The following CPQ variants were observed in gnomAD, a reference collection of about 807,000 sequenced individuals.
The protein encoded by CPQ is carboxypeptidase Q.
Under a neutral mutation model 45.7 loss-of-function variants are expected in CPQ, and 37 were observed. That is an observed-to-expected ratio of 0.81 (90% CI 0.62 to 1.07). The LOEUF (loss-of-function observed/expected upper bound fraction) is 1.07, where lower values mean the gene tolerates loss of function less well. Among genes scored for constraint, CPQ ranks in the 50% least tolerant of loss-of-function variants. The probability of loss-of-function intolerance (pLI) is 0.00; values close to 1 mark genes in which losing one functional copy is unlikely to be tolerated. For missense variants in CPQ, 537 were observed against 572.9 expected (o/e 0.94, Z 0.64); for synonymous variants, 186 against 205.8 (o/e 0.90, Z 0.82).
At chr8:97,122,999 A>AAT (rs1563587000) in intron 7 of CPQ, among the ~76,000 whole-genome samples, 1 of 53,394 alleles carries the variant, frequency 1.9e-5, no homozygotes, top group African/African-American at 1.0e-4. Context: ...AAATAAAATA[A>AAT]AATATAAAAT....
chr8:97,088,062 T>A (rs746593539), intron 7 of CPQ, among the ~76,000 whole-genome samples: 4 of 152,190 alleles, frequency 2.6e-5, no homozygotes, highest in Non-Finnish European at 5.9e-5. Flanking sequence ...GAGAATGGGC[T>A]TTTTCACCCT....
intron 5 of CPQ, among the ~76,000 whole-genome samples, chr8:97,017,662 A>G (rs1033823150): frequency 1.3e-5 from 2 of 152,106 alleles, no homozygotes; most frequent in Non-Finnish European, 2.9e-5. Context: ...GACAACCTGC[A>G]TTACACAGCA....
At chr8:97,019,979 C>CA (rs1224263948) in intron 5 of CPQ, among the ~76,000 whole-genome samples, 1 of 152,088 alleles carries the variant, frequency 6.6e-6, no homozygotes, top group Admixed American at 6.5e-5. Flanking sequence ...TGATAGGCCA[C>CA]AAAACGAGTC....
At chr8:96,727,795 G>T (rs1809863360) in intron 1 of CPQ, among the ~76,000 whole-genome samples, 1 of 152,182 alleles carries the variant, frequency 6.6e-6, no homozygotes, top group South Asian at 2.1e-4. Context: ...GTGGCCTGAT[G>T]ATGGGGGTAG....
At chr8:97,061,371 T>C (rs561493072) in intron 6 of CPQ, among the ~76,000 whole-genome samples, 1 of 150,062 alleles carries the variant, frequency 6.7e-6, no homozygotes, top group East Asian at 1.9e-4. Flanking sequence ...AAGTTTTTAA[T>C]GTATACATTT....
intron 2 of CPQ, among the ~76,000 whole-genome samples, chr8:96,792,231 A>G (rs1461941577): frequency 1.3e-4 from 20 of 152,192 alleles, no homozygotes; most frequent in Admixed American, 1.2e-3. Flanking sequence ...AAGACAGGAG[A>G]AAGCACAATC....
Position 96,789,120 on chromosome 8 carries a change from T to A in CPQ, c.433+3790T>A, listed in dbSNP as rs183859526. On this transcript the variant is annotated intron_variant, in intron 2 of 7. Coordinates refer to ENST00000220763, the MANE Select transcript of CPQ (RefSeq NM_016134.4). The stretch of plus-strand genomic sequence containing the variant: ...ATAATAGCTTCTTTGAAGTGTTTGC[T>A]ATATCCTACATCTGGGCCCCCTAAA... 2.8e-3 allele frequency among the ~76,000 whole-genome samples: 432 copies of A among 152,248 alleles called. 1 individual carries two copies. The highest frequency in any genetic ancestry group is 0.01 in the African/African-American group (420 of 41,570).
At chr8:97,121,890 A>ATT (rs1811708419) in intron 7 of CPQ, among the ~76,000 whole-genome samples, 1 of 152,176 alleles carries the variant, frequency 6.6e-6, no homozygotes, top group African/African-American at 2.4e-5. Flanking sequence ...GCTCAACAGT[A>ATT]GATTAGATAC....
At chr8:96,831,594 A>G (rs1233190679) in intron 2 of CPQ, among the ~76,000 whole-genome samples, 1 of 152,058 alleles carries the variant, frequency 6.6e-6, no homozygotes, top group African/African-American at 2.4e-5. Flanking sequence ...GGAAGGGTAA[A>G]ATTTTCTAGG....
In CPQ at chr8:97,028,828, C is replaced by T. The variant is rs547131843; in HGVS notation, c.962-575C>T. 1.1e-4 allele frequency among the ~76,000 whole-genome samples: 17 copies of T among 152,204 alleles called. No homozygotes were observed. In the East Asian group the frequency reaches 1.7e-3, roughly 16 times the overall value. ...CCTCATTCAATTAATTTTCATTGACCTTAAGGAAATGACCTTCTATTTCCA... is the reference window on the plus strand; with the variant it reads ...CCTCATTCAATTAATTTTCATTGACTTTAAGGAAATGACCTTCTATTTCCA... On this transcript the variant is annotated intron_variant, in intron 5 of 7. Coordinates refer to ENST00000220763, the MANE Select transcript of CPQ (RefSeq NM_016134.4).
chr8:97,087,401 G>A (rs561915020), intron 7 of CPQ, among the ~76,000 whole-genome samples: 81 of 147,946 alleles, frequency 5.5e-4, no homozygotes, highest in Middle Eastern at 3.4e-3. Context: ...CCCAGGTGCC[G>A]ACTTGGGGGG....
chr8:96,777,130 G>A (rs1402597433), intron 1 of CPQ, among the ~76,000 whole-genome samples: 1 of 151,956 alleles, frequency 6.6e-6, no homozygotes, highest in African/African-American at 2.4e-5. Flanking sequence ...GAGTGTCTTT[G>A]TAAATGAATT....
At chr8:97,022,504 G>A (rs536318607) in intron 5 of CPQ, among the ~76,000 whole-genome samples, 1 of 152,216 alleles carries the variant, frequency 6.6e-6, no homozygotes, top group South Asian at 2.1e-4. Context: ...CTAATATCCA[G>A]AATCTACAGT....
At chr8:96,992,106 T>A (rs1360728230) in intron 5 of CPQ, among the ~76,000 whole-genome samples, 2 of 152,222 alleles carry the variant, frequency 1.3e-5, no homozygotes, top group African/African-American at 4.8e-5. Context: ...CTTCTCTGCT[T>A]ATCATGACTG....
chr8:97,054,075 G>A (rs904803388), intron 6 of CPQ, among the ~76,000 whole-genome samples: 3 of 152,122 alleles, frequency 2.0e-5, no homozygotes, highest in African/African-American at 7.2e-5. Flanking sequence ...CTTTCATGTG[G>A]AGAGGTCAAG....
chr8:96,816,056 T>A (rs2130832872), intron 2 of CPQ, among the ~76,000 whole-genome samples: 1 of 152,222 alleles, frequency 6.6e-6, no homozygotes, highest in East Asian at 1.9e-4. Context: ...AAGACAACAA[T>A]GAAGTTTGCT....
intron 3 of CPQ, among the ~76,000 whole-genome samples, chr8:96,864,606 C>T (rs1375021626): frequency 1.0e-5 from 1 of 97,484 alleles, no homozygotes; most frequent in African/African-American, 5.1e-5. Flanking sequence ...TTATAGGAAA[C>T]CCAAAAGGGT....
rs75413444 is a variant in CPQ, at chr8:96,673,362, G to T, written c.-35+27960G>T. ...ACATCCTACATAAATGAGGTAGTGG[G>T]CCATGACCAGTCTGATTAGTCGCCT... On this transcript the variant is annotated intron_variant, in intron 1 of 7. Coordinates refer to ENST00000220763, the MANE Select transcript of CPQ (RefSeq NM_016134.4). Among the ~76,000 whole-genome samples, 284 of 152,196 alleles carry T rather than the reference G, an allele frequency of 1.9e-3. 5 individuals are homozygous for T. Among genetic ancestry groups the T allele is most frequent in the Admixed American group, 0.012 (191 of 15,282 alleles).
chr8:97,042,532 T>G (rs1172881925), intron 6 of CPQ, among the ~76,000 whole-genome samples: 1 of 152,052 alleles, frequency 6.6e-6, no homozygotes, highest in Non-Finnish European at 1.5e-5. Flanking sequence ...TGCTAGCTTT[T>G]GAATGTGTTT....
Sources: gnomAD v4.1 joint callset for allele counts (sites outside exome capture counted in the v4.1 genomes callset) on GRCh38, gnomAD v4.1.1 for gene constraint, MANE v1.5 for transcripts, NCBI Gene and HGNC (gene_info 2026-07-23, HGNC 2026-07-21) for gene names.